The following CLIC5 variants were observed in gnomAD, a reference collection of about 807,000 sequenced individuals.
CLIC5 encodes the protein CLIC family member 5, also known as chloride intracellular channel protein 5.
Under a neutral mutation model 24.7 loss-of-function variants are expected in CLIC5, and 20 were observed. The observed-to-expected ratio is 0.81, with a 90% CI of 0.57 to 1.18. CLIC5 has a LOEUF of 1.18. CLIC5 is among the 50% of genes most tolerant of loss of function. The pLI is 0.00. For synonymous variants in CLIC5, 159 were observed against 135.6 expected, an observed-to-expected ratio of 1.17 and a Z score of -1.20; for missense variants, 341 against 326.1, an observed-to-expected ratio of 1.05 and a Z score of -0.35.
chr6:46,118,854 C>G, the CLIC5 span, among the ~76,000 whole-genome samples: 1 of 152,164 alleles, frequency 6.6e-6, no homozygotes, highest in African/African-American at 2.4e-5. Context: ...ATAAAGGGGA[C>G]CTACCAGGCA....
intron 5 of CLIC5, 51 bp downstream of exon 5, chr6:45,914,177 G>A (rs1263254857): frequency 1.4e-6 from 2 of 1,427,038 alleles, no homozygotes; most frequent in South Asian, 3.2e-5. Flanking sequence ...GGTGACCTGG[G>A]CCTAAGATGG....
intron 4 of CLIC5, among the ~76,000 whole-genome samples, chr6:45,927,399 C>T (rs1206812885): frequency 6.6e-6 from 1 of 152,134 alleles, no homozygotes; most frequent in Non-Finnish European, 1.5e-5. Context: ...CGTAACAAGA[C>T]CCTGTGGGAA....
intron 1 of CLIC5, among the ~76,000 whole-genome samples, chr6:46,058,195 C>T (rs1256213402): frequency 6.6e-6 from 1 of 152,126 alleles, no homozygotes; most frequent in African/African-American, 2.4e-5. Context: ...TGGCATATAG[C>T]AGACATGAAT....
intron 1 of CLIC5, among the ~76,000 whole-genome samples, chr6:45,983,326 A>G (rs1444041162): frequency 6.6e-6 from 1 of 152,194 alleles, no homozygotes; most frequent in African/African-American, 2.4e-5. Flanking sequence ...TGTCATGCAC[A>G]GAGCCACCAA....
intron 5 of CLIC5, among the ~76,000 whole-genome samples, chr6:45,905,871 T>C (rs767133055): frequency 1.1e-4 from 17 of 152,224 alleles, no homozygotes; most frequent in Admixed American, 2.0e-4. Flanking sequence ...TTAATCCATA[T>C]TGAGTTACTT....
At chr6:46,095,470 C>A in the CLIC5 span, among the ~76,000 whole-genome samples, 5 of 152,228 alleles carry the variant, frequency 3.3e-5, no homozygotes, top group Admixed American at 1.3e-4. Context: ...AGCCAGGTCA[C>A]ATCTTGAACA....
chr6:45,898,279 A>G (rs1417376500), downstream of CLIC5, among the ~76,000 whole-genome samples: 5 of 152,132 alleles, frequency 3.3e-5, no homozygotes, highest in Non-Finnish European at 1.5e-5. Context: ...CCCCATCTCT[A>G]CTAAAATACA....
At chr6:45,954,018 G>A (rs775115333) in intron 2 of CLIC5, among the ~76,000 whole-genome samples, 3 of 152,152 alleles carry the variant, frequency 2.0e-5, no homozygotes, top group African/African-American at 4.8e-5. Flanking sequence ...GCTCACGTCT[G>A]TAATCCCAGC....
In CLIC5 at chr6:45,907,207, G is replaced by A. The variant is rs576201775; in HGVS notation, c.589-3952C>T. Among the ~76,000 whole-genome samples, 5 of 152,230 alleles carry A rather than the reference G, an allele frequency of 3.3e-5. No individual in the cohort carries two copies. The South Asian group carries it at 6.2e-4, about 19-fold the overall frequency. Reference sequence around the variant, plus strand: ...TTATTTTGAGGGGTGTTCCTTTAATGCCTAATTTATTGAAGGTTTTTGTCA... The same window carrying A: ...TTATTTTGAGGGGTGTTCCTTTAATACCTAATTTATTGAAGGTTTTTGTCA... On this transcript the variant is annotated intron_variant, in intron 5 of 5. Transcript: ENST00000339561.
chr6:45,937,775 G>T, intron 4 of CLIC5, among the ~76,000 whole-genome samples: 1 of 152,078 alleles, frequency 6.6e-6, no homozygotes, highest in East Asian at 1.9e-4. Flanking sequence ...AGTACTGCTG[G>T]GATGGCTCCC....
chr6:46,032,818 AT>A (rs1424718232), intron 1 of CLIC5, among the ~76,000 whole-genome samples: 1 of 152,112 alleles, frequency 6.6e-6, no homozygotes, highest in African/African-American at 2.4e-5. Context: ...CTCTCAGAGA[AT>A]ACATTACATA....
chr6:46,073,613 G>A (rs748757478), intron 1 of CLIC5, among the ~76,000 whole-genome samples: 2 of 152,166 alleles, frequency 1.3e-5, no homozygotes, highest in Non-Finnish European at 2.9e-5. Flanking sequence ...TTTGCTCATG[G>A]TATCCTCCTC....
At chr6:46,087,145 A>C in the CLIC5 span, among the ~76,000 whole-genome samples, 1 of 152,196 alleles carries the variant, frequency 6.6e-6, no homozygotes, top group Admixed American at 6.5e-5. Flanking sequence ...CCTCATGATT[A>C]CATTGGTTGG....
intron 1 of CLIC5, among the ~76,000 whole-genome samples, chr6:45,964,338 G>C (rs957494842): frequency 6.6e-6 from 1 of 152,144 alleles, no homozygotes; most frequent in African/African-American, 2.4e-5. Context: ...TTCCAATCCC[G>C]TATGTCCTTC....
At chr6:46,113,703 C>T in the CLIC5 span, among the ~76,000 whole-genome samples, 1 of 152,134 alleles carries the variant, frequency 6.6e-6, no homozygotes, top group East Asian at 1.9e-4. Context: ...TTGAAGTCCT[C>T]ACCCCTAGTA....
At chr6:45,984,832 C>A (rs1488640690) in intron 1 of CLIC5, among the ~76,000 whole-genome samples, 9 of 152,154 alleles carry the variant, frequency 5.9e-5, no homozygotes, top group Admixed American at 5.2e-4. Flanking sequence ...GATGAGATGA[C>A]TGGGTCTCAA....
At position 46,066,690 on chromosome 6, in the gene CLIC5, G is replaced by T. The variant is rs891932720; in HGVS notation, c.540+13013C>A. Among the ~76,000 whole-genome samples, 17 of 152,254 alleles carry T rather than the reference G, an allele frequency of 1.1e-4. No individual in the cohort carries two copies. The Middle Eastern group carries it at 0.01, about 91-fold the overall frequency. On this transcript the variant is annotated intron_variant, in intron 1 of 5. Coordinates refer to the CLIC5 transcript ENST00000185206. ...GGAGCTTTCAGTCTTGTAATAGACT[G>T]GGGGAGATACACACTTAACCAGATA... is the stretch of plus-strand genomic sequence containing the variant.
intron 1 of CLIC5, among the ~76,000 whole-genome samples, chr6:45,956,168 C>G (rs555626765): frequency 1.5e-3 from 226 of 152,282 alleles, no homozygotes; most frequent in Non-Finnish European, 2.6e-3. Context: ...GGCTGCAGAT[C>G]CCTGAATTTC....
the CLIC5 span, among the ~76,000 whole-genome samples, chr6:46,095,012 G>A: frequency 7.3e-3 from 1,107 of 152,308 alleles, 7 homozygotes; most frequent in Non-Finnish European, 0.011. Context: ...TTAACACCAC[G>A]TGGATGCCAC....
Sources: allele counts gnomAD v4.1 joint callset (sites outside exome capture counted in the v4.1 genomes callset), GRCh38; gene constraint gnomAD v4.1.1; transcripts MANE v1.5; gene names NCBI Gene and HGNC (gene_info 2026-07-23, HGNC 2026-07-21).